Variants in CDYL observed in about 807,000 individuals in gnomAD.
CDYL encodes chromodomain Y-like protein.
Under a neutral mutation model 47.3 loss-of-function variants are expected in CDYL, and 8 were observed. The ratio of observed to expected loss-of-function variants is 0.17; its 90% CI spans 0.10 to 0.31. The LOEUF (loss-of-function observed/expected upper bound fraction) is 0.31, where lower values mean the gene tolerates loss of function less well. Among genes scored for constraint, CDYL ranks in the 10% least tolerant of loss-of-function variants. The probability of loss-of-function intolerance (pLI) is 1.00; values close to 1 mark genes in which losing one functional copy is unlikely to be tolerated. For synonymous variants in CDYL, 266 were observed against 265.0 expected, an observed-to-expected ratio of 1.00 and a Z score of -0.04; for missense variants, 471 against 701.4, an observed-to-expected ratio of 0.67 and a Z score of 3.71.
chr6:4,895,781 A>C (rs1762265000), intron 2 of CDYL, among the ~76,000 whole-genome samples: 1 of 152,198 alleles, frequency 6.6e-6, no homozygotes, highest in African/African-American at 2.4e-5. Context: ...ATTCGCAACA[A>C]GAACCTTCAT....
intron 1 of CDYL, among the ~76,000 whole-genome samples, chr6:4,711,545 A>G (rs934806150): frequency 6.6e-6 from 1 of 152,212 alleles, no homozygotes; most frequent in Admixed American, 6.5e-5. Flanking sequence ...ACAGAACCAC[A>G]GCCCTCAGGG....
rs528977447 is a variant in CDYL, at chr6:4,719,337, G to A, written c.103+3456G>A. Among the ~76,000 whole-genome samples the A allele has an allele frequency of 8.5e-5, 13 of 152,226 alleles. No homozygotes were observed. In the South Asian group the frequency reaches 1.2e-3, roughly 15 times the overall value. On this transcript the variant is annotated intron_variant, in intron 2 of 8. Coordinates refer to the CDYL transcript ENST00000328908. ...TCCATTTATAGAAGTAGGATTACTAGGTCGAAAGATGTGGTTAACGGTATT... is the reference window on the plus strand; with the variant it reads ...TCCATTTATAGAAGTAGGATTACTAAGTCGAAAGATGTGGTTAACGGTATT...
At chr6:4,796,352 GT>G (rs1270370840) in intron 1 of CDYL, among the ~76,000 whole-genome samples, 4 of 152,080 alleles carry the variant, frequency 2.6e-5, no homozygotes, top group African/African-American at 9.7e-5. Context: ...AAGGTGAAAA[GT>G]TTTTTTCTTG....
At chr6:4,913,981 T>C (rs1338484086) in intron 2 of CDYL, among the ~76,000 whole-genome samples, 1 of 152,252 alleles carries the variant, frequency 6.6e-6, no homozygotes, top group Non-Finnish European at 1.5e-5. Flanking sequence ...TTACCATGTA[T>C]GCCTGAGTCA....
chr6:4,881,176 G>T (rs1761751625), intron 1 of CDYL, among the ~76,000 whole-genome samples: 1 of 151,838 alleles, frequency 6.6e-6, no homozygotes, highest in South Asian at 2.1e-4. Context: ...TTGTTGATAG[G>T]GTTTGATTTG....
At chr6:4,875,973 C>T (rs1160545805) in intron 1 of CDYL, among the ~76,000 whole-genome samples, 2 of 152,108 alleles carry the variant, frequency 1.3e-5, no homozygotes, top group African/African-American at 2.4e-5. Flanking sequence ...GTAAAATTTC[C>T]TAACAATGAA....
At chr6:4,941,045 G>A (rs1758347210) in intron 4 of CDYL, among the ~76,000 whole-genome samples, 1 of 152,214 alleles carries the variant, frequency 6.6e-6, no homozygotes, top group Non-Finnish European at 1.5e-5. Flanking sequence ...GTCCTTTAAA[G>A]GAAGAGTTTT....
chr6:4,829,244 G>T (rs547161014), intron 1 of CDYL, among the ~76,000 whole-genome samples: 60 of 152,136 alleles, frequency 3.9e-4, no homozygotes, highest in African/African-American at 1.4e-3. Flanking sequence ...TTTTTTTGTT[G>T]TTGTTGTTGA....
intron 1 of CDYL, among the ~76,000 whole-genome samples, chr6:4,833,448 C>T (rs373040591): frequency 2.2e-4 from 33 of 151,690 alleles, no homozygotes; most frequent in South Asian, 2.1e-4. Flanking sequence ...TAGTTTGTTA[C>T]AATTTCTGTT....
intron 2 of CDYL, among the ~76,000 whole-genome samples, chr6:4,718,131 C>A (rs1757304184): frequency 6.6e-6 from 1 of 152,068 alleles, no homozygotes; most frequent in South Asian, 2.1e-4. Context: ...GCCACTAGAC[C>A]AGGTCCCAGA....
chr6:4,867,600 C>T (rs762114404), intron 1 of CDYL, among the ~76,000 whole-genome samples: 28 of 151,958 alleles, frequency 1.8e-4, no homozygotes, highest in Middle Eastern at 3.2e-3. Context: ...TCCTGTAATC[C>T]ATTAATATGG....
intron 1 of CDYL, among the ~76,000 whole-genome samples, chr6:4,797,747 G>C (rs1265373958): frequency 6.6e-6 from 1 of 152,212 alleles, no homozygotes; most frequent in Non-Finnish European, 1.5e-5. Context: ...TTGTGTTGCA[G>C]AATGTATCGG....
chr6:4,939,865 G>A (rs367610233), intron 4 of CDYL, among the ~76,000 whole-genome samples: 1 of 152,186 alleles, frequency 6.6e-6, no homozygotes, highest in East Asian at 1.9e-4. Context: ...ACATAATATT[G>A]TGCTTTTTGG....
chr6:4,835,460 G>GT (rs1176556077), intron 1 of CDYL, among the ~76,000 whole-genome samples: 1 of 152,212 alleles, frequency 6.6e-6, no homozygotes, highest in African/African-American at 2.4e-5. Flanking sequence ...ACCCGGCCAT[G>GT]TGAGATGTCA....
chr6:4,745,272 A>G (rs1282151965), intron 3 of CDYL, among the ~76,000 whole-genome samples: 2 of 152,176 alleles, frequency 1.3e-5, no homozygotes, highest in Non-Finnish European at 1.5e-5. Context: ...CCCCAGCCAT[A>G]CTTTACTAAT....
intron 2 of CDYL, among the ~76,000 whole-genome samples, chr6:4,904,433 T>C (rs1013658114): frequency 6.6e-6 from 1 of 152,214 alleles, no homozygotes; most frequent in East Asian, 1.9e-4. Context: ...ATCTCCAAAG[T>C]GTTTGTTACT....
intron 1 of CDYL, among the ~76,000 whole-genome samples, chr6:4,825,257 G>T (rs1373975684): frequency 1.3e-5 from 2 of 152,146 alleles, no homozygotes; most frequent in Non-Finnish European, 1.5e-5. Context: ...TCTGATTTTT[G>T]TGTGTTATCC....
chr6:4,725,602 G>A (rs1370286445), intron 2 of CDYL, among the ~76,000 whole-genome samples: 4 of 152,208 alleles, frequency 2.6e-5, no homozygotes, highest in South Asian at 2.1e-4. Flanking sequence ...CTTGCGGGCG[G>A]ACCTGCCCGC....
chr6:4,927,905 T>C (rs1279522061), intron 2 of CDYL, among the ~76,000 whole-genome samples: 1 of 152,256 alleles, frequency 6.6e-6, no homozygotes, highest in Non-Finnish European at 1.5e-5. Context: ...TGCTTTTTAT[T>C]AAACAAGACT....
Sources: gnomAD v4.1 joint callset for allele counts (sites outside exome capture counted in the v4.1 genomes callset) on GRCh38, gnomAD v4.1.1 for gene constraint, MANE v1.5 for transcripts, NCBI Gene and HGNC (gene_info 2026-07-23, HGNC 2026-07-21) for gene names.